The following EIF2AK3 variants were observed in gnomAD, a reference collection of about 807,000 sequenced individuals.
EIF2AK3 encodes eukaryotic translation initiation factor 2 alpha kinase 3.
Under a neutral mutation model 113.5 loss-of-function variants are expected in EIF2AK3, and 50 were observed. The ratio of observed to expected loss-of-function variants is 0.44; its 90% CI spans 0.35 to 0.56. The LOEUF (loss-of-function observed/expected upper bound fraction) is 0.56, where lower values mean the gene tolerates loss of function less well. Ranked by LOEUF, EIF2AK3 falls within the 20% of genes least tolerant of loss-of-function variation. The pLI is 0.00. For missense variants in EIF2AK3, 1,185 were observed against 1,378.0 expected (o/e 0.86, Z 2.22); for synonymous variants, 448 against 495.4 (o/e 0.90, Z 1.27).
chr2:88,586,899 T>G (rs1674744797), intron 8 of EIF2AK3, among the ~76,000 whole-genome samples: 1 of 151,262 alleles, frequency 6.6e-6, no homozygotes, highest in African/African-American at 2.4e-5. Flanking sequence ...GCCTAACTTG[T>G]CTTTTGATCA....
chr2:88,558,880 G>C, intron 16 of EIF2AK3, 37 bp downstream of exon 16: 2 of 1,492,596 alleles, frequency 1.3e-6, no homozygotes, highest in Non-Finnish European at 9.3e-7. Context: ...TTCTAAAGAT[G>C]ATTCTAAAGA....
At chr2:88,614,060 C>T (rs1675516882) in intron 1 of EIF2AK3, among the ~76,000 whole-genome samples, 1 of 152,014 alleles carries the variant, frequency 6.6e-6, no homozygotes, top group South Asian at 2.1e-4. Context: ...ATGAAAAGCC[C>T]CTGACTCATA....
chr2:88,560,821 C>G (rs915292960), intron 15 of EIF2AK3, among the ~76,000 whole-genome samples: 3 of 150,168 alleles, frequency 2.0e-5, no homozygotes, highest in South Asian at 2.1e-4. Flanking sequence ...TCATTTTGCT[C>G]TATGTGAGAA....
At chr2:88,614,102 T>G (rs1675518217) in intron 1 of EIF2AK3, among the ~76,000 whole-genome samples, 1 of 152,114 alleles carries the variant, frequency 6.6e-6, no homozygotes, top group Non-Finnish European at 1.5e-5. Flanking sequence ...CTAATTCCCA[T>G]AAGGAACACA....
intron 1 of EIF2AK3, among the ~76,000 whole-genome samples, chr2:88,618,817 C>G (rs1675647044): frequency 6.6e-6 from 1 of 152,192 alleles, no homozygotes; most frequent in Non-Finnish European, 1.5e-5. Context: ...AACTCTCACC[C>G]ATGATCCAAT....
At chr2:88,615,466 T>C (rs927478037) in intron 1 of EIF2AK3, among the ~76,000 whole-genome samples, 2 of 152,184 alleles carry the variant, frequency 1.3e-5, no homozygotes, top group African/African-American at 4.8e-5. Context: ...TCCTCACTTA[T>C]GATATTAATG....
At chr2:88,626,863 G>A (rs1675874299) in intron 1 of EIF2AK3, 104 bp downstream of exon 1, 2 of 1,470,516 alleles carry the variant, frequency 1.4e-6, no homozygotes, top group East Asian at 2.6e-5. Context: ...CCGCAGCCGA[G>A]GGAAGACGCC....
At chr2:88,583,372 CA>C in intron 10 of EIF2AK3, 57 bp downstream of exon 10, 1 of 1,373,790 alleles carries the variant, frequency 7.3e-7, no homozygotes, top group Non-Finnish European at 1.0e-6. Flanking sequence ...AAAAGTTAAA[CA>C]AGATCTTAGG....
At chr2:88,578,586 G>C (rs533228188) in intron 11 of EIF2AK3, among the ~76,000 whole-genome samples, 10 of 151,974 alleles carry the variant, frequency 6.6e-5, no homozygotes, top group African/African-American at 1.9e-4. Flanking sequence ...GGAGGCTGAG[G>C]CATGAGAATC....
intron 2 of EIF2AK3, among the ~76,000 whole-genome samples, chr2:88,607,069 C>A (rs1447072436): frequency 6.6e-6 from 1 of 152,096 alleles, no homozygotes; most frequent in African/African-American, 2.4e-5. Context: ...TACACAATTA[C>A]AATATGCATT....
chr2:88,593,674 T>C (rs1485995586), intron 3 of EIF2AK3, among the ~76,000 whole-genome samples: 1 of 152,160 alleles, frequency 6.6e-6, no homozygotes, highest in Non-Finnish European at 1.5e-5. Flanking sequence ...CCATAGAATA[T>C]ACAAGAAGAA....
intron 1 of EIF2AK3, 106 bp downstream of exon 1, chr2:88,626,861 G>T: frequency 1.4e-6 from 2 of 1,459,858 alleles, no homozygotes; most frequent in Non-Finnish European, 9.2e-7. Flanking sequence ...CTCCGCAGCC[G>T]AGGGAAGACG....
chr2:88,580,462 CATA>C (rs1201826458), intron 10 of EIF2AK3, among the ~76,000 whole-genome samples: 1 of 152,188 alleles, frequency 6.6e-6, no homozygotes, highest in Non-Finnish European at 1.5e-5. Context: ...ACACTCTGCA[CATA>C]ATACTTTGAA....
chr2:88,606,452 AT>A (rs1225767042), intron 2 of EIF2AK3, among the ~76,000 whole-genome samples: 1 of 152,196 alleles, frequency 6.6e-6, no homozygotes, highest in Non-Finnish European at 1.5e-5. Context: ...GCACTGTTTC[AT>A]TTCTATAATT....
At chr2:88,602,907 T>C (rs142099916) in intron 2 of EIF2AK3, among the ~76,000 whole-genome samples, 6,063 of 151,986 alleles carry the variant, frequency 0.04, 382 homozygotes, top group African/African-American at 0.14. Context: ...CCATGACACA[T>C]GTATACCTAT....
chr2:88,592,297 T>C (rs1232735163), intron 4 of EIF2AK3, among the ~76,000 whole-genome samples: 1 of 152,154 alleles, frequency 6.6e-6, no homozygotes, highest in Non-Finnish European at 1.5e-5. Context: ...GTTTTAATAC[T>C]TCAAGAAAAT....
rs1378028446 is a variant in EIF2AK3 at position 88,593,337 on chromosome 2, G to A, written c.702C>T (p.Asp234=). 1 of 1,614,038 alleles carries A rather than the reference G, an allele frequency of 6.2e-7. No homozygotes were observed. Among genetic ancestry groups the A allele is most frequent in the South Asian group, 1.1e-5 (1 of 91,084 alleles). Residue 234 remains aspartate (D), a synonymous_variant, in exon 4 of 17, where the codon GAC becomes GAT. Transcript: ENST00000303236. Reference sequence around the variant, plus strand: ...TTTGGGTACGCTGTAGAAGCAGGATGTCTTCCTCTTGTTCCATTTCGTCAC... The same window carrying A: ...TTTGGGTACGCTGTAGAAGCAGGATATCTTCCTCTTGTTCCATTTCGTCAC... ...WDSDEMEQEE[D]ILLLQRTQKT...
chr2:88,606,208 TA>T (rs919424621), intron 2 of EIF2AK3, among the ~76,000 whole-genome samples: 2 of 152,102 alleles, frequency 1.3e-5, no homozygotes, highest in Non-Finnish European at 1.5e-5. Flanking sequence ...ACAGTCATGA[TA>T]AAAGAACACT....
chr2:88,575,221 T>G lies in EIF2AK3; in HGVS notation c.2262A>C (p.Ser754=). Residue 754 remains serine, a synonymous_variant, in exon 13 of 17, where the codon TCA becomes TCC. Coordinates refer to ENST00000303236, the MANE Select transcript of EIF2AK3 (RefSeq NM_004836.7). The part of the protein sequence containing the change: ...SGMDHEDISE[S]VDAAYNLQDS... ...CCTGGAGGTTGTATGCTGCATCCACTGACTCACTGATGTCCTCATGGTCCA... is the reference window on the plus strand; with the variant it reads ...CCTGGAGGTTGTATGCTGCATCCACGGACTCACTGATGTCCTCATGGTCCA... The G allele has an allele frequency of 6.2e-7, 1 of 1,612,858 alleles. No homozygotes were observed. Among genetic ancestry groups the G allele is most frequent in the Non-Finnish European group, 8.5e-7 (1 of 1,179,112 alleles).
Sources: gnomAD v4.1 joint callset for allele counts (sites outside exome capture counted in the v4.1 genomes callset) on GRCh38, gnomAD v4.1.1 for gene constraint, MANE v1.5 for transcripts, NCBI Gene and HGNC (gene_info 2026-07-23, HGNC 2026-07-21) for gene names.